Variants in ZC3H7A observed in about 807,000 individuals in gnomAD.
The protein encoded by ZC3H7A is zinc finger CCCH-type containing 7A.
In ZC3H7A, 44 loss-of-function variants were observed where a neutral mutation model predicts 125.5. That is an observed-to-expected ratio of 0.35 (90% CI 0.28 to 0.45). The LOEUF is 0.45. ZC3H7A is among the 20% of genes least tolerant of loss of function. The pLI is 1.00. For missense variants in ZC3H7A, 977 were observed against 1,170.7 expected (o/e 0.83, Z 2.41); for synonymous variants, 399 against 391.2 (o/e 1.02, Z -0.23).
intron 1 of ZC3H7A, among the ~76,000 whole-genome samples, chr16:11,789,238 A>G (rs1596406043): frequency 6.6e-6 from 1 of 152,146 alleles, no homozygotes; most frequent in South Asian, 2.1e-4. Context: ...ATAAAAAGGT[A>G]AAAGTATTCT....
intron 1 of ZC3H7A, among the ~76,000 whole-genome samples, chr16:11,794,024 C>A (rs1174784236): frequency 1.3e-5 from 2 of 152,202 alleles, no homozygotes; most frequent in Non-Finnish European, 2.9e-5. Context: ...CAAGAGCCTC[C>A]CTCGGCACCC....
chr16:11,784,165 T>C (rs2053217482), intron 1 of ZC3H7A, among the ~76,000 whole-genome samples: 1 of 152,082 alleles, frequency 6.6e-6, no homozygotes. Flanking sequence ...AATGTGCTTT[T>C]AAAACAGTTT....
intron 1 of ZC3H7A, among the ~76,000 whole-genome samples, chr16:11,786,472 T>G (rs1325400819): frequency 6.6e-6 from 1 of 152,236 alleles, no homozygotes; most frequent in African/African-American, 2.4e-5. Context: ...TAGTGATATC[T>G]GCCAAGTTTA....
chr16:11,779,876 TA>T (rs35716971), intron 3 of ZC3H7A, among the ~76,000 whole-genome samples: 80,690 of 150,380 alleles, frequency 0.54, 23,463 homozygotes, highest in East Asian at 0.8. Context: ...TGTGTTTATT[TA>T]TTTTTTTTAA....
intron 15 of ZC3H7A, 195 bp downstream of exon 15, chr16:11,764,858 C>T (rs981706396): frequency 6.8e-6 from 3 of 441,824 alleles, no homozygotes; most frequent in African/African-American, 6.2e-5. Flanking sequence ...TTCTGTTTTA[C>T]ATAATATATT....
intron 7 of ZC3H7A, 141 bp from the exon 8 acceptor site, chr16:11,775,154 C>T (rs1466029313): frequency 1.3e-5 from 10 of 798,032 alleles, no homozygotes; most frequent in African/African-American, 5.2e-5. Context: ...AGGCAGATCA[C>T]GAGGTCAGGA....
intron 1 of ZC3H7A, among the ~76,000 whole-genome samples, chr16:11,789,759 T>C (rs2053319414): frequency 6.6e-6 from 1 of 152,090 alleles, no homozygotes; most frequent in Non-Finnish European, 1.5e-5. Context: ...GGGCATTTCA[T>C]ACACATCTAA....
intron 9 of ZC3H7A, among the ~76,000 whole-genome samples, chr16:11,773,212 G>A (rs1019953391): frequency 3.3e-5 from 5 of 151,810 alleles, no homozygotes; most frequent in African/African-American, 7.3e-5. Flanking sequence ...ACAGGGTCTC[G>A]CTGTGTTGCC....
At position 11,763,063 on chromosome 16, in the gene ZC3H7A, C is replaced by T. The variant is rs76791364; in HGVS notation, c.2003-316G>A. The T allele has an allele frequency of 1.3e-3, 391 of 290,786 alleles. 2 individuals carry two copies. The highest frequency in any genetic ancestry group is 3.6e-3 in the Admixed American group (75 of 20,654). 18.0% of individuals were successfully genotyped at this position (290,786 alleles called of 1,614,324 possible). A position where few individuals can be genotyped will look rare whatever the true frequency, so the allele number is the denominator to read the frequency against. ...TTGAAGCTCAGGACAAAATCAATAG[C>T]GTCACCACATCTGGTTGATGGAGAA... On this transcript the variant is annotated intron_variant, in intron 16 of 22. Coordinates refer to ENST00000355758, the MANE Select transcript of ZC3H7A (RefSeq NM_014153.4).
chr16:11,754,744 T>A (rs1218763759), intron 21 of ZC3H7A, among the ~76,000 whole-genome samples: 1 of 150,760 alleles, frequency 6.6e-6, no homozygotes, highest in East Asian at 1.9e-4. Context: ...ATACAAAAAT[T>A]AGCCGTGCGT....
Position 11,785,367 on chromosome 16 carries a change from G to A in ZC3H7A, c.-34-2979C>T, listed in dbSNP as rs1051090042. 2.6e-5 allele frequency among the ~76,000 whole-genome samples: 4 copies of A among 151,564 alleles called. 1 individual carries two copies. Among genetic ancestry groups the A allele is most frequent in the African/African-American group, 9.7e-5 (4 of 41,256 alleles). On this transcript the variant is annotated intron_variant, in intron 1 of 22. Coordinates refer to ENST00000355758, the MANE Select transcript of ZC3H7A (RefSeq NM_014153.4). ...AAAATAAAAAAAAAAGCAACCGGGT[G>A]TGGTGGTGCGTACCAGTAGTCCCAG...
intron 1 of ZC3H7A, among the ~76,000 whole-genome samples, chr16:11,790,842 C>T (rs2053338714): frequency 6.6e-6 from 1 of 151,624 alleles, no homozygotes; most frequent in Non-Finnish European, 1.5e-5. Context: ...CGCCACTGCA[C>T]TCCAGCCTGG....
chr16:11,760,988 C>T (rs2052743603), intron 19 of ZC3H7A, among the ~76,000 whole-genome samples: 4 of 152,092 alleles, frequency 2.6e-5, no homozygotes, highest in African/African-American at 9.7e-5. Flanking sequence ...CTACGTATCC[C>T]TTGCTGCAGT....
Position 11,797,195 on chromosome 16 carries a change from C to T in ZC3H7A, c.-106G>A, listed in dbSNP as rs923518413. 5.9e-5 allele frequency: 9 copies of T among 153,698 alleles called. No homozygotes were observed. The highest frequency in any genetic ancestry group is 2.0e-4 in the African/African-American group (8 of 40,944). The allele number at this position is 153,698 out of a possible 1,614,324, so 9.5% of individuals were successfully genotyped here. ...GGCGGCGGCAGGCGGGCAGCGGTGG[C>T]GGCGGCGGCGGCGGGGCCTGGGTGC... is the stretch of plus-strand genomic sequence containing the variant. On this transcript the variant is annotated 5_prime_UTR_variant, in exon 1 of 23. Transcript: ENST00000355758.
chr16:11,758,682 CAAAT>C, intron 19 of ZC3H7A, 143 bp from the exon 20 acceptor site: 1 of 616,216 alleles, frequency 1.6e-6, no homozygotes, highest in Non-Finnish European at 2.8e-6. Context: ...TGACTCTACT[CAAAT>C]TAACTATATG....
chr16:11,784,672 T>C (rs1398913954), intron 1 of ZC3H7A, among the ~76,000 whole-genome samples: 2 of 151,942 alleles, frequency 1.3e-5, no homozygotes, highest in African/African-American at 4.8e-5. Flanking sequence ...CTGACCAATA[T>C]GGAGAAACCC....
At position 11,779,135 on chromosome 16, in the gene ZC3H7A, T is replaced by C. The variant is rs904302633; in HGVS notation, c.306+31A>G. Reference sequence around the variant, plus strand: ...GTCATTGAAAAAATTCTTTTCACTCTAGAAACATCATTTTAAAAATTACAA... The same window carrying C: ...GTCATTGAAAAAATTCTTTTCACTCCAGAAACATCATTTTAAAAATTACAA... On this transcript the variant is annotated intron_variant, in intron 4 of 22. Transcript: ENST00000355758. The C allele has an allele frequency of 2.0e-6, 3 of 1,537,064 alleles. No individual in the cohort carries two copies. In the African/African-American group the frequency reaches 4.2e-5, roughly 21 times the overall value.
chr16:11,785,486 AGAGAGT>A (rs2053243749), intron 1 of ZC3H7A, among the ~76,000 whole-genome samples: 1 of 152,060 alleles, frequency 6.6e-6, no homozygotes, highest in Non-Finnish European at 1.5e-5. Context: ...CGCCTGGGCA[AGAGAGT>A]GAGACCCTGT....
Position 11,761,474 on chromosome 16 carries a change from T to A in ZC3H7A, c.2251A>T (p.Ile751Phe), listed in dbSNP as rs147590470. 6.2e-7 allele frequency: 1 copy of A among 1,614,010 alleles called. No homozygotes were observed. The highest frequency in any genetic ancestry group is 1.3e-5 in the African/African-American group (1 of 74,918). The part of the protein sequence containing the change: ...KDRRAMRVMS[I>F]ERKKWMNIRP... ...ATGTTCATCCACTTCTTACGTTCAA[T>A]AGACATCACTCTCATCGCACGCCGG... is the stretch of plus-strand genomic sequence containing the variant. The change falls in exon 19 of 23, where the codon ATT becomes TTT. Residue 751 changes from isoleucine (I) to phenylalanine (F), a missense_variant. By Grantham distance (21) the Ile-to-Phe change is conservative (BLOSUM62 0). Around this residue, in one of 3 missense-constraint regions of ZC3H7A, gnomAD observed 436 missense variants for 603.2 expected, o/e 0.72. Coordinates refer to ENST00000355758, the MANE Select transcript of ZC3H7A (RefSeq NM_014153.4).
Sources: gnomAD v4.1 joint callset for allele counts (sites outside exome capture counted in the v4.1 genomes callset) on GRCh38, gnomAD v4.1.1 for gene constraint, gnomAD v4.1.1 regional missense constraint, MANE v1.5 for transcripts, NCBI Gene and HGNC (gene_info 2026-07-23, HGNC 2026-07-21) for gene names.